RECQL: variants seen among roughly 807,000 people sequenced by gnomAD.
The protein encoded by RECQL is ATP-dependent DNA helicase Q1.
Under a neutral mutation model 75.8 loss-of-function variants are expected in RECQL, and 73 were observed. The observed-to-expected ratio is 0.96, with a 90% CI of 0.80 to 1.17. The LOEUF (loss-of-function observed/expected upper bound fraction) is 1.17. Among genes scored for constraint, RECQL ranks in the 50% most tolerant of loss-of-function variants. The pLI is 0.00. For synonymous variants in RECQL, 248 were observed against 254.4 expected, an observed-to-expected ratio of 0.97 and a Z score of 0.24; for missense variants, 699 against 772.1, an observed-to-expected ratio of 0.91 and a Z score of 1.12.
chr12:21,495,526 C>T (rs539485451), intron 2 of RECQL, among the ~76,000 whole-genome samples: 3 of 151,904 alleles, frequency 2.0e-5, no homozygotes, highest in Admixed American at 6.5e-5. Flanking sequence ...AACCCGGGAG[C>T]GGAGCTTGGA....
intron 6 of RECQL, among the ~76,000 whole-genome samples, chr12:21,480,890 A>G (rs1023621208): frequency 2.6e-5 from 4 of 152,134 alleles, no homozygotes; most frequent in African/African-American, 9.7e-5. Flanking sequence ...ATTTGTTCCA[A>G]TCTTTTCTTC....
intron 13 of RECQL, 141 bp downstream of exon 13, chr12:21,471,287 G>A: frequency 1.0e-6 from 1 of 957,978 alleles, no homozygotes. Flanking sequence ...AGTGATTAAA[G>A]TTTGAGTGTT....
chr12:21,483,632 A>G (rs1943235234), intron 5 of RECQL, 58 bp from the exon 6 acceptor site: 3 of 1,228,996 alleles, frequency 2.4e-6, no homozygotes, highest in East Asian at 4.9e-5. Flanking sequence ...AGACTGAAAT[A>G]CTAGGTGGTA....
At chr12:21,493,663 A>G (rs1448600303) in intron 2 of RECQL, among the ~76,000 whole-genome samples, 1 of 152,200 alleles carries the variant, frequency 6.6e-6, no homozygotes, top group Non-Finnish European at 1.5e-5. Flanking sequence ...GATTCCAACG[A>G]AGCAGGTTAC....
At chr12:21,492,021 G>T (rs1399560775) in intron 2 of RECQL, among the ~76,000 whole-genome samples, 1 of 152,118 alleles carries the variant, frequency 6.6e-6, no homozygotes, top group African/African-American at 2.4e-5. Context: ...TATATTAGGA[G>T]TTCTAGACGC....
At chr12:21,478,329 C>T (rs758956566) in intron 6 of RECQL, among the ~76,000 whole-genome samples, 7 of 152,080 alleles carry the variant, frequency 4.6e-5, no homozygotes, top group African/African-American at 1.4e-4. Flanking sequence ...ACCTATTTCT[C>T]GGAAACCATT....
At chr12:21,481,421 G>A (rs1390332626) in intron 6 of RECQL, among the ~76,000 whole-genome samples, 1 of 152,050 alleles carries the variant, frequency 6.6e-6, no homozygotes, top group East Asian at 1.9e-4. Context: ...GATCCACAGA[G>A]ACAACATAAG....
intron 1 of RECQL, among the ~76,000 whole-genome samples, chr12:21,500,667 T>C (rs1943594179): frequency 6.6e-6 from 1 of 152,210 alleles, no homozygotes. Context: ...ATTCCTTCCA[T>C]AGACTGTAAG....
chr12:21,476,544 G>T (rs974922604), intron 8 of RECQL, among the ~76,000 whole-genome samples: 2 of 151,992 alleles, frequency 1.3e-5, no homozygotes, highest in Admixed American at 6.6e-5. Flanking sequence ...GTCCTTTACT[G>T]TAAGGGAGTA....
At chr12:21,495,742 T>C (rs1943496015) in intron 2 of RECQL, among the ~76,000 whole-genome samples, 1 of 152,216 alleles carries the variant, frequency 6.6e-6, no homozygotes, top group African/African-American at 2.4e-5. Context: ...TCAATGCAGC[T>C]TTGGTTTCCA....
In RECQL at chr12:21,499,195, T is replaced by C. The variant is rs184879396; in HGVS notation, c.16+360A>G. On this transcript the variant is annotated intron_variant, in intron 2 of 14. Coordinates refer to ENST00000444129, the MANE Select transcript of RECQL (RefSeq NM_002907.4). ...GACAAATGTTATATGATTCCATTTA[T>C]ATGAGGTACCTAAAATAGTCAAGAA... 1.7e-4 allele frequency among the ~76,000 whole-genome samples: 26 copies of C among 152,332 alleles called. No individual in the cohort carries two copies. In the East Asian group the frequency reaches 4.6e-3, roughly 27 times the overall value.
At chr12:21,478,346 T>G (rs1943126758) in intron 6 of RECQL, among the ~76,000 whole-genome samples, 1 of 152,144 alleles carries the variant, frequency 6.6e-6, no homozygotes, top group Non-Finnish European at 1.5e-5. Flanking sequence ...CATTCTAGGC[T>G]CAAACTTGTT....
chr12:21,491,165 T>C (rs1943404304), intron 3 of RECQL, among the ~76,000 whole-genome samples: 1 of 152,168 alleles, frequency 6.6e-6, no homozygotes, highest in Non-Finnish European at 1.5e-5. Context: ...AGGTCTTGAA[T>C]CATGAAAGGT....
chr12:21,493,905 G>A (rs946343448), intron 2 of RECQL, among the ~76,000 whole-genome samples: 1 of 152,212 alleles, frequency 6.6e-6, no homozygotes, highest in East Asian at 1.9e-4. Flanking sequence ...AGAGCTGCAT[G>A]TGCCAAAATA....
intron 2 of RECQL, 136 bp downstream of exon 2, chr12:21,499,419 A>T: frequency 1.3e-6 from 1 of 743,928 alleles, no homozygotes; most frequent in Non-Finnish European, 2.2e-6. Flanking sequence ...CAAAGTTTGT[A>T]ATGTGTATTT....
intron 13 of RECQL, 114 bp downstream of exon 13, chr12:21,471,314 C>T (rs1210560627): frequency 4.8e-6 from 5 of 1,040,648 alleles, no homozygotes; most frequent in Non-Finnish European, 6.8e-6. Flanking sequence ...AAATTACTTT[C>T]TATAGCATTT....
chr12:21,484,963 A>AT (rs1943261992), intron 5 of RECQL, among the ~76,000 whole-genome samples: 1 of 152,128 alleles, frequency 6.6e-6, no homozygotes. Flanking sequence ...GAAAAAGTTT[A>AT]TTTTTGTAGA....
intron 6 of RECQL, among the ~76,000 whole-genome samples, chr12:21,478,582 C>G (rs937794473): frequency 6.6e-6 from 1 of 152,146 alleles, no homozygotes; most frequent in Non-Finnish European, 1.5e-5. Flanking sequence ...GCAGAGGAAA[C>G]AGCATATACA....
chr12:21,479,143 C>T (rs1431406254), intron 6 of RECQL, among the ~76,000 whole-genome samples: 1 of 152,138 alleles, frequency 6.6e-6, no homozygotes, highest in African/African-American at 2.4e-5. Flanking sequence ...CAGACCTGCA[C>T]TTCCCCAGTT....
Sources: allele counts gnomAD v4.1 joint callset (sites outside exome capture counted in the v4.1 genomes callset), GRCh38; gene constraint gnomAD v4.1.1; transcripts MANE v1.5; gene names NCBI Gene and HGNC (gene_info 2026-07-23, HGNC 2026-07-21).